Variants in REPIN1 observed in about 807,000 individuals in gnomAD.
REPIN1 encodes DNA-binding protein REPIN1.
Under a neutral mutation model 5.7 loss-of-function variants are expected in REPIN1, and 4 were observed. That is an observed-to-expected ratio of 0.71 (90% CI 0.35 to 1.62). The LOEUF (loss-of-function observed/expected upper bound fraction) is 1.62. Among genes scored for constraint, REPIN1 ranks in the 40% most tolerant of loss-of-function variants. REPIN1 has a pLI of 0.05. For synonymous variants in REPIN1, 410 were observed against 386.2 expected, an observed-to-expected ratio of 1.06 and a Z score of -0.72; for missense variants, 854 against 901.0, an observed-to-expected ratio of 0.95 and a Z score of 0.67.
Position 150,372,735 on chromosome 7 carries a change from G to A in REPIN1, c.1665G>A (p.Gln555=). 1 of 1,612,496 alleles carries A rather than the reference G, an allele frequency of 6.2e-7. No homozygotes were observed. Among genetic ancestry groups the A allele is most frequent in the Non-Finnish European group, 8.5e-7 (1 of 1,179,848 alleles). ...CCGACTGCGGCAAAGCCTTCAGCCA[G>A]AAGTCCAACCTGGTGTCGCACCGGC... The part of the protein sequence containing the change: ...VCPDCGKAFS[Q]KSNLVSHRRI... The change falls in exon 3 of 3, where the codon CAG becomes CAA. Residue 555 remains glutamine, a synonymous_variant. Coordinates refer to ENST00000489432, the MANE Select transcript of REPIN1 (RefSeq NM_001099695.2).
rs1327480024 is a variant in REPIN1 at position 150,371,752 on chromosome 7, G to T, written c.682G>T (p.Ala228Ser). 1 of 1,608,690 alleles carries T rather than the reference G, an allele frequency of 6.2e-7. No individual in the cohort carries two copies. Among genetic ancestry groups the T allele is most frequent in the African/African-American group, 1.3e-5 (1 of 75,024 alleles). ...TCATCTGCGGCGGTGCCACCCTCCC[G>T]CCCCGGAGGCCCGGCCCTTCATATG... ...RAHLRRCHPP[A>S]PEARPFICGN... Residue 228 changes from alanine to serine, a missense_variant, in exon 3 of 3, where the codon GCC (alanine) becomes TCC (serine). Coordinates refer to ENST00000489432, the MANE Select transcript of REPIN1 (RefSeq NM_001099695.2).
At chr7:150,370,088 G>A (rs963342825) in intron 2 of REPIN1, 6 of 537,076 alleles carry the variant, frequency 1.1e-5, no homozygotes, top group Non-Finnish European at 1.6e-5. Flanking sequence ...AGGCACAGAA[G>A]GGCCCTTAGG....
chr7:150,368,986 G>C (rs1456874451), intron 1 of REPIN1, 45 bp downstream of exon 1: 1 of 380,266 alleles, frequency 2.6e-6, no homozygotes, highest in Non-Finnish European at 4.7e-6. Flanking sequence ...GCCCGCGGGG[G>C]GCCGCTCCAC....
At position 150,371,888 on chromosome 7, in the gene REPIN1, C is replaced by T. The variant is rs1203669495; in HGVS notation, c.818C>T (p.Pro273Leu). 1.2e-6 allele frequency: 2 copies of T among 1,606,280 alleles called. No individual in the cohort carries two copies. Among genetic ancestry groups the T allele is most frequent in the Non-Finnish European group, 1.7e-6 (2 of 1,177,244 alleles). Residue 273 changes from proline to leucine, a missense_variant, in exon 3 of 3, where the codon CCC (proline) becomes CTC (leucine). This residue lies in a region of REPIN1 where 409 missense variants were observed against 418.6 expected (regional missense o/e 0.98). Transcript: ENST00000489432. ...EAAAKALGPRPRGRPAVTAPR... is the reference protein window; with the variant it reads ...EAAAKALGPRLRGRPAVTAPR... ...GCAGCCAAGGCTCTGGGGCCCCGGC[C>T]CAGGGGCCGCCCCGCGGTGACCGCC...
rs1440118069 is a variant in REPIN1, at chr7:150,372,118, C to G, written c.1048C>G (p.Pro350Ala). ...RRIHTGEKPY[P>A]CKECGRRFRH... is the part of the protein sequence containing the mutation. ...CATCCACACCGGCGAGAAGCCCTACCCGTGCAAAGAGTGCGGCCGCCGCTT... is the reference window on the plus strand; with the variant it reads ...CATCCACACCGGCGAGAAGCCCTACGCGTGCAAAGAGTGCGGCCGCCGCTT... Residue 350 changes from proline to alanine, a missense_variant, in exon 3 of 3, where the codon CCG becomes GCG. By Grantham distance (27) the Pro-to-Ala change is conservative. Coordinates refer to ENST00000489432, the MANE Select transcript of REPIN1 (RefSeq NM_001099695.2). 1 of 1,610,560 alleles carries G rather than the reference C, an allele frequency of 6.2e-7. No individual in the cohort carries two copies. The highest frequency in any genetic ancestry group is 8.5e-7 in the Non-Finnish European group (1 of 1,178,906).
Position 150,368,881 on chromosome 7 carries a change from C to T in REPIN1, c.-102C>T. On this transcript the variant is annotated 5_prime_UTR_variant, in exon 1 of 3. Transcript: ENST00000489432. ...CGGGGCGGGGAGCGAGAGTGGGCCG[C>T]GGAGGCCGGCCTTCGGGCTCCATGG... 1 of 330,446 alleles carries T rather than the reference C, an allele frequency of 3.0e-6. No individual in the cohort carries two copies. The highest frequency in any genetic ancestry group is 5.4e-6 in the Non-Finnish European group (1 of 184,202). 20.5% of individuals were successfully genotyped at this position (330,446 alleles called of 1,614,324 possible).
Position 150,372,434 on chromosome 7 carries a change from C to T in REPIN1, c.1364C>T (p.Thr455Ile), listed in dbSNP as rs761915632. 4.6e-6 allele frequency: 7 copies of T among 1,511,608 alleles called. No homozygotes were observed. The highest frequency in any genetic ancestry group is 5.3e-6 in the Non-Finnish European group (6 of 1,137,828). The allele number at this position is 1,511,608 out of a possible 1,614,324, so 93.6% of individuals were successfully genotyped here. A position where few individuals can be genotyped will look rare whatever the true frequency, so the allele number is the denominator to read the frequency against. ...RFLRAHQRQH[T>I]GERPFTCAEC... ...CTGCGGGCCCACCAGCGGCAGCACA[C>T]CGGGGAGCGGCCCTTCACCTGCGCC... Residue 455 changes from threonine (T) to isoleucine (I), a missense_variant, in exon 3 of 3, where the codon ACC becomes ATC. Physicochemically the swap from Thr to Ile is moderately conservative, Grantham distance 89. Coordinates refer to ENST00000489432, the MANE Select transcript of REPIN1 (RefSeq NM_001099695.2).
chr7:150,371,904 G>C lies in REPIN1; in HGVS notation c.834G>C (p.Ala278=). 2 of 1,607,642 alleles carry C rather than the reference G, an allele frequency of 1.2e-6. No individual in the cohort carries two copies. Among genetic ancestry groups the C allele is most frequent in the South Asian group, 1.1e-5 (1 of 90,770 alleles). The change falls in exon 3 of 3, where the codon GCG becomes GCC. Residue 278 remains alanine, a synonymous_variant. Transcript: ENST00000489432. ...ALGPRPRGRP[A]VTAPRPGGDA... Reference sequence around the variant, plus strand: ...GGCCCCGGCCCAGGGGCCGCCCCGCGGTGACCGCCCCCCGGCCCGGTGGAG... The same window carrying C: ...GGCCCCGGCCCAGGGGCCGCCCCGCCGTGACCGCCCCCCGGCCCGGTGGAG...
chr7:150,372,005 G>A lies in REPIN1; in HGVS notation c.935G>A (p.Arg312His). 1.2e-6 allele frequency: 2 copies of A among 1,611,650 alleles called. No homozygotes were observed. The highest frequency in any genetic ancestry group is 8.5e-7 in the Non-Finnish European group (1 of 1,179,650). Reference protein sequence around the residue: ...FRHKPNLIAHRRVHTGERPHQ... With the variant: ...FRHKPNLIAHHRVHTGERPHQ... The stretch of plus-strand genomic sequence containing the variant: ...CACAAGCCCAACTTGATCGCTCACC[G>A]CCGCGTGCACACGGGCGAGCGGCCC... Residue 312 changes from arginine to histidine, a missense_variant, in exon 3 of 3, where the codon CGC becomes CAC. This residue lies in a region of REPIN1 where 12 missense variants were observed against 29.8 expected (regional missense o/e 0.40). Transcript: ENST00000489432.
At chr7:150,371,169 G>T in intron 2 of REPIN1, 59 bp from the exon 3 acceptor site, 1 of 1,483,240 alleles carries the variant, frequency 6.7e-7, no homozygotes. Context: ...AGGTTGGGAG[G>T]GGAGAAACAG....
chr7:150,371,743 C>T lies in REPIN1; in HGVS notation c.673C>T (p.His225Tyr), dbSNP rs1344328433. ...KQLRAHLRRCHPPAPEARPFI... is the reference protein window; with the variant it reads ...KQLRAHLRRCYPPAPEARPFI... Reference sequence around the variant, plus strand: ...GCTTCGAGCTCATCTGCGGCGGTGCCACCCTCCCGCCCCGGAGGCCCGGCC... The same window carrying T: ...GCTTCGAGCTCATCTGCGGCGGTGCTACCCTCCCGCCCCGGAGGCCCGGCC... Residue 225 changes from histidine to tyrosine, a missense_variant, in exon 3 of 3, where the codon CAC becomes TAC. Physicochemically the swap from His to Tyr is moderately conservative, Grantham distance 83. Coordinates refer to ENST00000489432, the MANE Select transcript of REPIN1 (RefSeq NM_001099695.2). 6.2e-7 allele frequency: 1 copy of T among 1,610,212 alleles called. No individual in the cohort carries two copies. Among genetic ancestry groups the T allele is most frequent in the South Asian group, 1.1e-5 (1 of 91,056 alleles).
At chr7:150,369,629 G>A in intron 1 of REPIN1, 42 bp from the exon 2 acceptor site, 1 of 1,581,086 alleles carries the variant, frequency 6.3e-7, no homozygotes. Context: ...TGCCCTAGAG[G>A]AGCTCAGAGC....
At chr7:150,370,078 A>G in intron 2 of REPIN1, 1 of 572,616 alleles carries the variant, frequency 1.7e-6, no homozygotes, top group Admixed American at 3.2e-5. Context: ...GCTTGTGAGC[A>G]GGCACAGAAG....
Position 150,372,937 on chromosome 7 carries a change from G to C in REPIN1, c.1867G>C (p.Asp623His), listed in dbSNP as rs766147293. 6 of 1,612,284 alleles carry C rather than the reference G, an allele frequency of 3.7e-6. No homozygotes were observed. The highest frequency in any genetic ancestry group is 4.2e-6 in the Non-Finnish European group (5 of 1,179,288). ...ERLLAHQKKHDV is the reference protein window; with the variant it reads ...ERLLAHQKKHHV ...ACTCCTGGCCCACCAGAAGAAGCACGATGTCTGAGACGGTGGGCGGGGCCG... is the reference window on the plus strand; with the variant it reads ...ACTCCTGGCCCACCAGAAGAAGCACCATGTCTGAGACGGTGGGCGGGGCCG... The change falls in exon 3 of 3, where the codon GAT (aspartate) becomes CAT (histidine). Residue 623 changes from aspartate to histidine, a missense_variant. Physicochemically the swap from Asp to His is moderately conservative, Grantham distance 81 (BLOSUM62 -1). Coordinates refer to ENST00000489432, the MANE Select transcript of REPIN1 (RefSeq NM_001099695.2).
chr7:150,371,516 G>T lies in REPIN1; in HGVS notation c.446G>T (p.Arg149Leu), dbSNP rs17173702. 13 of 1,605,090 alleles carry T rather than the reference G, an allele frequency of 8.1e-6. No individual in the cohort carries two copies. In the Admixed American group the frequency reaches 2.2e-4, roughly 27 times the overall value. ...CCCTTGCCCTGCCCTGAGTGTGGCC[G>T]TCGCTTTCGCCATGCCCCCTTCTTA... is the stretch of plus-strand genomic sequence containing the variant. Reference protein sequence around the residue: ...RLPLPCPECGRRFRHAPFLAL... With the variant: ...RLPLPCPECGLRFRHAPFLAL... Residue 149 changes from arginine (R) to leucine (L), a missense_variant, in exon 3 of 3, where the codon CGT (arginine) becomes CTT (leucine). Around this residue, in one of 5 missense-constraint regions of REPIN1, gnomAD observed 409 missense variants for 418.6 expected, o/e 0.98. Transcript: ENST00000489432.
At chr7:150,370,687 G>C (rs1343846731) in intron 2 of REPIN1, 1 of 701,514 alleles carries the variant, frequency 1.4e-6, no homozygotes. Flanking sequence ...TGATTCTGCT[G>C]TTGGCTTACT....
intron 2 of REPIN1, chr7:150,370,726 T>C (rs553192079): frequency 1.4e-6 from 1 of 702,504 alleles, no homozygotes; most frequent in East Asian, 2.7e-5. Context: ...CTCGTCATCT[T>C]TGATGTCTCA....
chr7:150,371,213 C>G lies in REPIN1; in HGVS notation c.158-15C>G. On this transcript the variant is annotated splice_polypyrimidine_tract_variant and intron_variant, in intron 2 of 2. Transcript: ENST00000489432. ...TGAGTTGGTCTCTGGAGTGACTGTG[C>G]TTTTCCACCCTCAGCAGAGGAAGAA... is the stretch of plus-strand genomic sequence containing the variant. The G allele has an allele frequency of 6.4e-7, 1 of 1,563,106 alleles. No individual in the cohort carries two copies. The highest frequency in any genetic ancestry group is 1.2e-5 in the South Asian group (1 of 83,134).
chr7:150,368,482 G>A (rs992038832), upstream of REPIN1, among the ~76,000 whole-genome samples: 1 of 152,100 alleles, frequency 6.6e-6, no homozygotes, highest in African/African-American at 2.4e-5. Context: ...AGCTAAGGCC[G>A]AACACCCCGG....
Sources: gnomAD v4.1 joint callset for allele counts (sites outside exome capture counted in the v4.1 genomes callset) on GRCh38, gnomAD v4.1.1 for gene constraint, gnomAD v4.1.1 regional missense constraint, MANE v1.5 for transcripts, NCBI Gene and HGNC (gene_info 2026-07-23, HGNC 2026-07-21) for gene names.